The following TRAPPC9 variants were observed in gnomAD, a reference collection of about 807,000 sequenced individuals.
The protein encoded by TRAPPC9 is trafficking protein particle complex subunit 9.
In TRAPPC9, 83 loss-of-function variants were observed where a neutral mutation model predicts 124.0. The observed-to-expected ratio is 0.67, with a 90% CI of 0.56 to 0.80. The LOEUF is 0.80. Ranked by LOEUF, TRAPPC9 falls within the 30% of genes least tolerant of loss-of-function variation. The pLI, the probability that TRAPPC9 is intolerant of heterozygous loss-of-function variation, is 0.00. For synonymous variants in TRAPPC9, 638 were observed against 617.5 expected (o/e 1.03, Z -0.49); for missense variants, 1,302 against 1,508.3 (o/e 0.86, Z 2.27).
At chr8:140,341,495 G>A (rs530995906) in intron 9 of TRAPPC9, among the ~76,000 whole-genome samples, 1 of 152,240 alleles carries the variant, frequency 6.6e-6, no homozygotes, top group Non-Finnish European at 1.5e-5. Flanking sequence ...TGGGAACCTG[G>A]GCGGGAACTT....
At chr8:140,174,423 T>C (rs2062022961) in intron 17 of TRAPPC9, among the ~76,000 whole-genome samples, 2 of 152,202 alleles carry the variant, frequency 1.3e-5, no homozygotes, top group South Asian at 4.1e-4. Context: ...TCACACGCCA[T>C]AAAATTCACC....
At chr8:140,372,390 G>A (rs573411382) in intron 7 of TRAPPC9, among the ~76,000 whole-genome samples, 3 of 152,202 alleles carry the variant, frequency 2.0e-5, no homozygotes, top group South Asian at 2.1e-4. Context: ...TCTCCTCCGC[G>A]CTCACTGCCA....
intron 21 of TRAPPC9, among the ~76,000 whole-genome samples, chr8:139,836,405 G>T (rs1268126737): frequency 6.6e-6 from 1 of 152,128 alleles, no homozygotes; most frequent in African/African-American, 2.4e-5. Context: ...CTCGATGTGT[G>T]TGTTTCCTGC....
At chr8:139,927,517 A>G (rs56162056) in intron 19 of TRAPPC9, among the ~76,000 whole-genome samples, 6,968 of 152,264 alleles carry the variant, frequency 0.046, 210 homozygotes, top group Non-Finnish European at 0.069. Context: ...AAGTACTGGC[A>G]TTACAGGTGT....
chr8:139,858,831 G>A (rs2130968090), intron 21 of TRAPPC9, among the ~76,000 whole-genome samples: 1 of 151,410 alleles, frequency 6.6e-6, no homozygotes, highest in African/African-American at 2.4e-5. Context: ...TCCGGGGGGG[G>A]CACAGTCTGC....
intron 19 of TRAPPC9, among the ~76,000 whole-genome samples, chr8:139,926,697 T>G (rs1196737260): frequency 6.7e-6 from 1 of 149,844 alleles, no homozygotes; most frequent in Non-Finnish European, 1.5e-5. Context: ...CCAGCCTGGG[T>G]GACAGGGTGA....
At chr8:140,083,476 A>C (rs1843978262) in intron 17 of TRAPPC9, among the ~76,000 whole-genome samples, 1 of 152,134 alleles carries the variant, frequency 6.6e-6, no homozygotes, top group African/African-American at 2.4e-5. Flanking sequence ...ACGCACACGC[A>C]ACGCAGTACC....
At chr8:139,839,913 G>A (rs984623149) in intron 21 of TRAPPC9, among the ~76,000 whole-genome samples, 2 of 152,222 alleles carry the variant, frequency 1.3e-5, no homozygotes, top group African/African-American at 4.8e-5. Flanking sequence ...AGTTTTCTAC[G>A]TTGTAGCCAA....
chr8:140,321,532 T>C (rs73714861), intron 9 of TRAPPC9, among the ~76,000 whole-genome samples: 2,187 of 152,230 alleles, frequency 0.014, 52 homozygotes, highest in African/African-American at 0.05. Flanking sequence ...GGAACAGGCA[T>C]GAGCTAAATT....
chr8:140,297,763 T>G (rs2065852691), intron 11 of TRAPPC9, among the ~76,000 whole-genome samples: 1 of 152,242 alleles, frequency 6.6e-6, no homozygotes, highest in African/African-American at 2.4e-5. Context: ...CAGGTACCCC[T>G]GCTGACAGAT....
At chr8:140,397,213 T>C (rs1468242295) in intron 7 of TRAPPC9, among the ~76,000 whole-genome samples, 2 of 152,236 alleles carry the variant, frequency 1.3e-5, no homozygotes, top group Non-Finnish European at 2.9e-5. Flanking sequence ...TTTGCTGGGT[T>C]ACCACTGTGT....
chr8:140,011,798 C>T (rs1448866644), intron 18 of TRAPPC9, among the ~76,000 whole-genome samples: 1 of 151,688 alleles, frequency 6.6e-6, no homozygotes, highest in East Asian at 1.9e-4. Context: ...CTGCCTCAGC[C>T]TCCTGAGTAG....
intron 21 of TRAPPC9, among the ~76,000 whole-genome samples, chr8:139,810,063 A>G (rs2130738662): frequency 6.6e-6 from 1 of 152,334 alleles, no homozygotes; most frequent in African/African-American, 2.4e-5. Context: ...GACCTGGCAC[A>G]CACATTCACC....
At chr8:139,837,773 CG>C (rs1826455290) in intron 21 of TRAPPC9, among the ~76,000 whole-genome samples, 1 of 152,166 alleles carries the variant, frequency 6.6e-6, no homozygotes, top group Non-Finnish European at 1.5e-5. Flanking sequence ...AGGAGCCCCT[CG>C]GCCCTCCTCT....
At chr8:139,969,780 G>C (rs981441158) in intron 19 of TRAPPC9, among the ~76,000 whole-genome samples, 1 of 152,216 alleles carries the variant, frequency 6.6e-6, no homozygotes, top group African/African-American at 2.4e-5. Context: ...TGCTTTGATT[G>C]TGTCTATCTT....
chr8:140,061,914 G>A lies in TRAPPC9; in HGVS notation c.2557-37835C>T, dbSNP rs558848413. Among the ~76,000 whole-genome samples, 431 of 152,264 alleles carry A rather than the reference G, an allele frequency of 2.8e-3. 4 individuals are homozygous for A. Among genetic ancestry groups the A allele is most frequent in the South Asian group, 0.018 (89 of 4,824 alleles). On this transcript the variant is annotated intron_variant, in intron 17 of 22. Transcript: ENST00000438773. ...ACCAGGCCCACTCCAACATTACAGGGAGCAGGGTGAGAATACAAACAGGGC... is the reference window on the plus strand; with the variant it reads ...ACCAGGCCCACTCCAACATTACAGGAAGCAGGGTGAGAATACAAACAGGGC...
chr8:140,132,238 C>T (rs535370428), intron 17 of TRAPPC9, among the ~76,000 whole-genome samples: 19 of 152,286 alleles, frequency 1.2e-4, no homozygotes, highest in Non-Finnish European at 2.6e-4. Context: ...GAAGTTGGTG[C>T]CTCCAAAACA....
chr8:139,860,769 C>G (rs1464212263), intron 21 of TRAPPC9, among the ~76,000 whole-genome samples: 1 of 152,250 alleles, frequency 6.6e-6, no homozygotes, highest in African/African-American at 2.4e-5. Flanking sequence ...GTCCGTGGGC[C>G]CTCACATGGA....
intron 21 of TRAPPC9, among the ~76,000 whole-genome samples, chr8:139,801,634 C>A (rs901809569): frequency 2.6e-5 from 4 of 152,192 alleles, no homozygotes; most frequent in African/African-American, 7.2e-5. Context: ...GGTTATCAAC[C>A]GGGATTCCTG....
Sources: gnomAD v4.1 joint callset for allele counts (sites outside exome capture counted in the v4.1 genomes callset) on GRCh38, gnomAD v4.1.1 for gene constraint, MANE v1.5 for transcripts, NCBI Gene and HGNC (gene_info 2026-07-23, HGNC 2026-07-21) for gene names.